ERC1: variants seen among roughly 807,000 people sequenced by gnomAD.
ERC1 encodes ELKS/RAB6-interacting/CAST family member 1, also known as RAB6 interacting protein 2.
A neutral mutation model predicts 132.0 loss-of-function variants in ERC1; 56 were observed. That is an observed-to-expected ratio of 0.42 (90% CI 0.34 to 0.53). ERC1 has a LOEUF of 0.53. Ranked by LOEUF, ERC1 falls within the 20% of genes least tolerant of loss-of-function variation. ERC1 has a pLI of 0.03. For synonymous variants in ERC1, 478 were observed against 476.1 expected, an observed-to-expected ratio of 1.00 and a Z score of -0.05; for missense variants, 1,202 against 1,349.9, an observed-to-expected ratio of 0.89 and a Z score of 1.72.
At chr12:1,202,474 T>G (rs537955327) in intron 12 of ERC1, among the ~76,000 whole-genome samples, 35 of 152,054 alleles carry the variant, frequency 2.3e-4, no homozygotes, top group Non-Finnish European at 4.4e-4. Flanking sequence ...CTTAGGCAAG[T>G]GGCGAAACCT....
At chr12:1,321,344 A>G (rs371264261) in intron 15 of ERC1, among the ~76,000 whole-genome samples, 85 of 143,686 alleles carry the variant, frequency 5.9e-4, no homozygotes, top group African/African-American at 1.4e-3. Context: ...GTGTGTGTGT[A>G]TATTTTGCTC....
chr12:1,160,422 C>T (rs1176723756), intron 8 of ERC1, among the ~76,000 whole-genome samples: 1 of 152,000 alleles, frequency 6.6e-6, no homozygotes, highest in Non-Finnish European at 1.5e-5. Flanking sequence ...CATGTATGTT[C>T]TTCAATAAGA....
intron 2 of ERC1, among the ~76,000 whole-genome samples, chr12:1,044,839 A>G (rs955885689): frequency 3.3e-5 from 5 of 152,136 alleles, no homozygotes; most frequent in Admixed American, 6.5e-5. Flanking sequence ...CTTTGAGTAG[A>G]GTAATTAGCT....
chr12:1,261,840 T>C (rs1315781116), intron 13 of ERC1, among the ~76,000 whole-genome samples: 1 of 152,186 alleles, frequency 6.6e-6, no homozygotes, highest in Non-Finnish European at 1.5e-5. Flanking sequence ...ATGTGAATTT[T>C]TTTCTAAATC....
intron 8 of ERC1, among the ~76,000 whole-genome samples, chr12:1,165,692 G>A (rs1952353238): frequency 6.6e-6 from 1 of 152,158 alleles, no homozygotes; most frequent in Admixed American, 6.5e-5. Flanking sequence ...TGTTATTTGA[G>A]GGGGATAAAG....
intron 1 of ERC1, among the ~76,000 whole-genome samples, chr12:1,001,498 C>T (rs114362740): frequency 0.013 from 2,025 of 152,352 alleles, 47 homozygotes; most frequent in African/African-American, 0.045. Flanking sequence ...ACAAGCTTTC[C>T]TTGAAGCTTC....
rs138532440 is a variant in ERC1, at chr12:1,270,594, A to T, written c.2619+7429A>T. Among the ~76,000 whole-genome samples the T allele has an allele frequency of 3.0e-4, 45 of 152,084 alleles. No individual in the cohort carries two copies. In the East Asian group the frequency reaches 8.5e-3, roughly 29 times the overall value. On this transcript the variant is annotated intron_variant, in intron 14 of 18. Coordinates refer to ENST00000360905, the MANE Select transcript of ERC1 (RefSeq NM_178040.4). ...TAAAAGTCCCATTAATCTCATTAAGATAATATGTTTAATAAGATACATTTT... is the reference window on the plus strand; with the variant it reads ...TAAAAGTCCCATTAATCTCATTAAGTTAATATGTTTAATAAGATACATTTT...
chr12:1,439,567 T>G (rs2093044577), intron 17 of ERC1, among the ~76,000 whole-genome samples: 1 of 152,224 alleles, frequency 6.6e-6, no homozygotes, highest in South Asian at 2.1e-4. Context: ...GGGGCCATAA[T>G]GACGTTTTGG....
intron 2 of ERC1, among the ~76,000 whole-genome samples, chr12:1,058,591 C>A (rs1467105949): frequency 1.3e-5 from 2 of 152,122 alleles, no homozygotes; most frequent in African/African-American, 4.8e-5. Context: ...GTTTTGGTTA[C>A]TATAGCTTTG....
intron 15 of ERC1, among the ~76,000 whole-genome samples, chr12:1,338,886 T>A (rs2083539644): frequency 6.6e-6 from 1 of 152,192 alleles, no homozygotes; most frequent in Admixed American, 6.5e-5. Context: ...ATGACTTTGT[T>A]CTCTGGCTCC....
chr12:1,064,551 C>A (rs566131669), intron 2 of ERC1, among the ~76,000 whole-genome samples: 30 of 152,142 alleles, frequency 2.0e-4, no homozygotes, highest in African/African-American at 7.2e-4. Context: ...GATTGGCCAT[C>A]CCTGGCTACT....
chr12:1,162,867 TTTAG>T (rs1482425442), intron 8 of ERC1, among the ~76,000 whole-genome samples: 13 of 152,148 alleles, frequency 8.5e-5, no homozygotes, highest in Non-Finnish European at 1.9e-4. Flanking sequence ...TGAAACATAA[TTTAG>T]TTAGATATTA....
upstream of ERC1, chr12:990,038 GA>G (rs1403056808): frequency 6.6e-6 from 1 of 152,240 alleles, no homozygotes; most frequent in Non-Finnish European, 1.5e-5. Context: ...AGTGCATGTC[GA>G]TCCTGGGAGG....
At position 1,382,329 on chromosome 12, in the gene ERC1, A is replaced by C. The variant is rs375664796; in HGVS notation, c.2925+10352A>C. Among the ~76,000 whole-genome samples the C allele has an allele frequency of 8.5e-5, 13 of 152,316 alleles. No homozygotes were observed. In the East Asian group the frequency reaches 1.5e-3, roughly 18 times the overall value. On this transcript the variant is annotated intron_variant, in intron 16 of 18. Transcript: ENST00000360905. ...AAGCCACAGCAGAAAAAGAACTGTG[A>C]GAAAGTAGGGGCCACATGGTGTTGT...
chr12:1,194,313 C>G (rs917850998), intron 12 of ERC1, among the ~76,000 whole-genome samples: 5 of 152,022 alleles, frequency 3.3e-5, no homozygotes, highest in Admixed American at 1.3e-4. Flanking sequence ...CCCAGCTACT[C>G]AGGAGGCTGA....
intron 15 of ERC1, among the ~76,000 whole-genome samples, chr12:1,294,001 G>A (rs897740029): frequency 1.5e-4 from 23 of 152,168 alleles, no homozygotes; most frequent in African/African-American, 5.3e-4. Context: ...AAAACAATAT[G>A]TTGTACAGTA....
intron 15 of ERC1, among the ~76,000 whole-genome samples, chr12:1,330,786 A>T (rs2082805356): frequency 6.6e-6 from 1 of 152,224 alleles, no homozygotes; most frequent in African/African-American, 2.4e-5. Flanking sequence ...TTTGTTCTGC[A>T]ACTCCTAGTA....
intron 1 of ERC1, among the ~76,000 whole-genome samples, chr12:1,025,373 A>T (rs1966846686): frequency 1.3e-5 from 2 of 152,158 alleles, no homozygotes; most frequent in African/African-American, 4.8e-5. Context: ...CTGTTTACAG[A>T]TCATTATACT....
chr12:1,208,782 TG>T (rs1184113382), intron 12 of ERC1, among the ~76,000 whole-genome samples: 2 of 152,058 alleles, frequency 1.3e-5, no homozygotes, highest in Non-Finnish European at 2.9e-5. Context: ...GCAATTAAAT[TG>T]TTTTTTTGTT....
Sources: allele counts gnomAD v4.1 joint callset (sites outside exome capture counted in the v4.1 genomes callset), GRCh38; gene constraint gnomAD v4.1.1; transcripts MANE v1.5; gene names NCBI Gene and HGNC (gene_info 2026-07-23, HGNC 2026-07-21).